Variants in MPHOSPH9 observed in about 807,000 individuals in gnomAD.
MPHOSPH9 encodes the protein M-phase phosphoprotein 9.
A neutral mutation model predicts 145.5 loss-of-function variants in MPHOSPH9; 88 were observed. That is an observed-to-expected ratio of 0.60 (90% CI 0.51 to 0.72). MPHOSPH9 has a LOEUF of 0.72. MPHOSPH9 is among the 30% of genes least tolerant of loss of function. MPHOSPH9 has a pLI of 0.00. For missense variants in MPHOSPH9, 1,238 were observed against 1,386.6 expected (o/e 0.89, Z 1.70); for synonymous variants, 435 against 486.2 (o/e 0.89, Z 1.39).
chr12:123,234,572 T>C (rs2047806129), upstream of MPHOSPH9, among the ~76,000 whole-genome samples: 1 of 152,080 alleles, frequency 6.6e-6, no homozygotes, highest in Non-Finnish European at 1.5e-5. Context: ...ATTTTTTGTA[T>C]TTTTAGTAGA....
At chr12:123,170,296 C>A (rs2044522260) in intron 16 of MPHOSPH9, among the ~76,000 whole-genome samples, 1 of 152,104 alleles carries the variant, frequency 6.6e-6, no homozygotes, top group African/African-American at 2.4e-5. Flanking sequence ...CTGCGTGCCA[C>A]CACATCTGGC....
chr12:123,158,977 G>A (rs573080115), intron 23 of MPHOSPH9, among the ~76,000 whole-genome samples: 1 of 151,994 alleles, frequency 6.6e-6, no homozygotes, highest in Non-Finnish European at 1.5e-5. Flanking sequence ...TGTAATCCCA[G>A]CTACTCAGGA....
intron 8 of MPHOSPH9, among the ~76,000 whole-genome samples, chr12:123,209,652 T>C (rs1186004135): frequency 6.6e-6 from 1 of 151,854 alleles, no homozygotes; most frequent in Non-Finnish European, 1.5e-5. Flanking sequence ...TCAGATGGTC[T>C]GCCCACTTCA....
intron 16 of MPHOSPH9, among the ~76,000 whole-genome samples, chr12:123,175,311 C>T (rs752056901): frequency 1.3e-3 from 192 of 152,140 alleles, no homozygotes; most frequent in Admixed American, 2.5e-3. Context: ...CCACCGCGCC[C>T]GGCTAATTTT....
At chr12:123,191,883 TTC>T (rs2045690861) in intron 13 of MPHOSPH9, among the ~76,000 whole-genome samples, 1 of 152,156 alleles carries the variant, frequency 6.6e-6, no homozygotes, top group Non-Finnish European at 1.5e-5. Context: ...TCCATCAATC[TTC>T]TTTACTGATA....
intron 15 of MPHOSPH9, among the ~76,000 whole-genome samples, chr12:123,178,934 A>C (rs1318848747): frequency 6.6e-6 from 1 of 152,240 alleles, no homozygotes; most frequent in Non-Finnish European, 1.5e-5. Flanking sequence ...TCTTTCTGAA[A>C]GTAGATGACC....
intron 23 of MPHOSPH9, chr12:123,160,262 C>T (rs1216963858): frequency 6.5e-6 from 1 of 152,712 alleles, no homozygotes; most frequent in African/African-American, 2.4e-5. Context: ...AACTCCTGAC[C>T]TCAGGTGATA....
chr12:123,220,220 G>C (rs904801855), intron 5 of MPHOSPH9, among the ~76,000 whole-genome samples: 1 of 151,350 alleles, frequency 6.6e-6, no homozygotes, highest in South Asian at 2.1e-4. Flanking sequence ...CAGAACAAAA[G>C]AAACAAACAA....
chr12:123,175,959 C>G (rs988543756), intron 16 of MPHOSPH9, among the ~76,000 whole-genome samples: 4 of 151,946 alleles, frequency 2.6e-5, no homozygotes, highest in African/African-American at 7.3e-5. Flanking sequence ...TCTCGAACTC[C>G]TGGACTCTAG....
At chr12:123,207,214 T>C in intron 8 of MPHOSPH9, among the ~76,000 whole-genome samples, 1 of 143,274 alleles carries the variant, frequency 7.0e-6, no homozygotes, top group East Asian at 2.1e-4. Flanking sequence ...GAACATGAAA[T>C]GGGAAACCTT....
At chr12:123,202,391 G>C (rs2046261084) in intron 10 of MPHOSPH9, 72 bp from the exon 11 acceptor site, 1 of 1,444,696 alleles carries the variant, frequency 6.9e-7, no homozygotes, top group African/African-American at 1.4e-5. Context: ...GAGAAACCAA[G>C]AACACAATGA....
intron 16 of MPHOSPH9, among the ~76,000 whole-genome samples, chr12:123,169,729 T>C (rs1298545202): frequency 6.6e-6 from 1 of 150,980 alleles, no homozygotes; most frequent in Non-Finnish European, 1.5e-5. Context: ...GCCTCCACAG[T>C]TGCTGGGATT....
intron 16 of MPHOSPH9, 42 bp downstream of exon 16, chr12:123,176,646 C>A (rs1164902404): frequency 7.1e-7 from 1 of 1,416,496 alleles, no homozygotes; most frequent in South Asian, 1.2e-5. Flanking sequence ...TAAAAGCATG[C>A]ACCTATTTCT....
In MPHOSPH9 at chr12:123,202,229, C is replaced by T. The variant is rs752131676; in HGVS notation, c.1872G>A (p.Lys624=). The T allele has an allele frequency of 1.2e-6, 2 of 1,613,390 alleles. No homozygotes were observed. Among genetic ancestry groups the T allele is most frequent in the East Asian group, 2.2e-5 (1 of 44,836 alleles). ...YESEINSLKQ[K]LEAKEISGVE... is the part of the protein sequence containing the mutation. ...CTCCAGAGATTTCTTTTGCCTCCAG[C>T]TTCTGTTTCAAACTATTTATTTCTG... Residue 624 remains lysine, a synonymous_variant, in exon 11 of 24, where the codon AAG becomes AAA. Coordinates refer to ENST00000606320, the MANE Select transcript of MPHOSPH9 (RefSeq NM_022782.4).
Position 123,203,376 on chromosome 12 carries a change from C to T in MPHOSPH9, c.1195-1G>A. The T allele has an allele frequency of 6.3e-7, 1 of 1,581,102 alleles. No individual in the cohort carries two copies. Among genetic ancestry groups the T allele is most frequent in the South Asian group, 1.2e-5 (1 of 86,470 alleles). On this transcript the variant is annotated splice_acceptor_variant, in intron 8 of 23. Transcript: ENST00000606320. LOFTEE classifies it high-confidence loss of function. Reference sequence around the variant, plus strand: ...GCTTCATCTCATTACTAGTATTAGACTTAAAGATACGAAACAAAATTAAAT... The same window carrying T: ...GCTTCATCTCATTACTAGTATTAGATTTAAAGATACGAAACAAAATTAAAT...
chr12:123,171,134 C>A (rs979723206), intron 16 of MPHOSPH9, among the ~76,000 whole-genome samples: 1 of 152,008 alleles, frequency 6.6e-6, no homozygotes, highest in African/African-American at 2.4e-5. Context: ...TTCCTTTATT[C>A]GTTCCTGTTC....
At chr12:123,184,745 G>C (rs920480486) in intron 13 of MPHOSPH9, among the ~76,000 whole-genome samples, 5 of 151,772 alleles carry the variant, frequency 3.3e-5, no homozygotes, top group Non-Finnish European at 7.4e-5. Context: ...TGATCTACCC[G>C]CCTCGGCCTC....
intron 5 of MPHOSPH9, among the ~76,000 whole-genome samples, chr12:123,220,640 G>A (rs913278560): frequency 5.3e-5 from 8 of 152,000 alleles, no homozygotes; most frequent in South Asian, 2.1e-4. Flanking sequence ...AACATAGCAC[G>A]CGCTCATAGT....
upstream of MPHOSPH9, among the ~76,000 whole-genome samples, chr12:123,237,490 C>A (rs568460642): frequency 1.1e-4 from 17 of 152,280 alleles, no homozygotes; most frequent in African/African-American, 4.1e-4. Flanking sequence ...TTCCTCTTTA[C>A]TTCATTAGCT....
Sources: allele counts gnomAD v4.1 joint callset (sites outside exome capture counted in the v4.1 genomes callset), GRCh38; gene constraint gnomAD v4.1.1; transcripts MANE v1.5; gene names NCBI Gene and HGNC (gene_info 2026-07-23, HGNC 2026-07-21).